The following ARPC1A variants were observed in gnomAD, a reference collection of about 807,000 sequenced individuals.
ARPC1A encodes the protein actin-related protein 2/3 complex subunit 1A.
A neutral mutation model predicts 46.9 loss-of-function variants in ARPC1A; 8 were observed. The observed-to-expected ratio is 0.17, with a 90% CI of 0.10 to 0.31. The LOEUF is 0.31. Among genes scored for constraint, ARPC1A ranks in the 10% least tolerant of loss-of-function variants. The probability of loss-of-function intolerance (pLI) is 1.00; values close to 1 mark genes in which losing one functional copy is unlikely to be tolerated. For synonymous variants in ARPC1A, 152 were observed against 169.0 expected (o/e 0.90, Z 0.78); for missense variants, 286 against 483.6 (o/e 0.59, Z 3.83).
intron 3 of ARPC1A, among the ~76,000 whole-genome samples, chr7:99,343,766 G>A (rs1360460549): frequency 6.6e-6 from 1 of 152,180 alleles, no homozygotes; most frequent in Admixed American, 6.5e-5. Context: ...GGTTCAACTG[G>A]CAGTGACTTT....
At chr7:99,350,267 CTG>C (rs768395066) in intron 5 of ARPC1A, among the ~76,000 whole-genome samples, 20 of 152,194 alleles carry the variant, frequency 1.3e-4, no homozygotes, top group Non-Finnish European at 2.4e-4. Flanking sequence ...CCATCTCTTT[CTG>C]TGTCTCCCTT....
chr7:99,346,324 C>T (rs902909477), intron 4 of ARPC1A, among the ~76,000 whole-genome samples: 1 of 152,114 alleles, frequency 6.6e-6, no homozygotes, highest in African/African-American at 2.4e-5. Context: ...TTGGAAGTTT[C>T]ATTGTAATGA....
At chr7:99,355,969 C>A (rs1334855315) in intron 6 of ARPC1A, among the ~76,000 whole-genome samples, 1 of 152,168 alleles carries the variant, frequency 6.6e-6, no homozygotes, top group Non-Finnish European at 1.5e-5. Flanking sequence ...TTGTGAGTGG[C>A]GTGTCTGTTC....
At chr7:99,355,507 G>A (rs1223551002) in intron 6 of ARPC1A, among the ~76,000 whole-genome samples, 1 of 152,158 alleles carries the variant, frequency 6.6e-6, no homozygotes, top group African/African-American at 2.4e-5. Context: ...CACTTTGGGA[G>A]GCCAAGGTGG....
chr7:99,344,889 T>G (rs1447744501), intron 4 of ARPC1A, among the ~76,000 whole-genome samples: 1 of 146,652 alleles, frequency 6.8e-6, no homozygotes, highest in Non-Finnish European at 1.5e-5. Context: ...TCACAGGATA[T>G]CTATGTAGGA....
intron 4 of ARPC1A, among the ~76,000 whole-genome samples, chr7:99,347,697 C>CT (rs1268300034): frequency 1.3e-5 from 2 of 151,650 alleles, no homozygotes; most frequent in Non-Finnish European, 2.9e-5. Context: ...GAGTAAGACT[C>CT]TGTCTCAAAA....
rs79234087 is a variant in ARPC1A at position 99,365,472 on chromosome 7, G to A, written c.1075-419G>A. On this transcript the variant is annotated intron_variant, in intron 9 of 9. Transcript: ENST00000262942. ...TACATATATATATTTTTAAAAACCA[G>A]GTGCAGTGACGCATGCCTTTAGTTG... Among the ~76,000 whole-genome samples, 1,131 of 152,124 alleles carry A rather than the reference G, an allele frequency of 7.4e-3. 31 individuals carry two copies. The South Asian group carries it at 0.083, about 11-fold the overall frequency.
intron 3 of ARPC1A, among the ~76,000 whole-genome samples, chr7:99,341,627 A>T (rs1469771937): frequency 1.3e-5 from 2 of 152,016 alleles, no homozygotes; most frequent in Non-Finnish European, 2.9e-5. Flanking sequence ...AAAAAAAAAA[A>T]AATTAATTGG....
In ARPC1A at chr7:99,344,667, CAT is replaced by C. The variant is rs1317344631; in HGVS notation, c.392+153_392+154del. The C allele has an allele frequency of 2.6e-5, 21 of 808,236 alleles. 1 individual carries two copies. The highest frequency in any genetic ancestry group is 8.5e-5 in the Admixed American group (3 of 35,434). The allele number at this position is 808,236 out of a possible 1,614,324, so 50.1% of individuals were successfully genotyped here. A position where few individuals can be genotyped will look rare whatever the true frequency, so the allele number is the denominator to read the frequency against. On this transcript the variant is annotated intron_variant, in intron 4 of 9. Coordinates refer to ENST00000262942, the MANE Select transcript of ARPC1A (RefSeq NM_006409.4). ...ATTCTGTCTGAGCATTTTCCCTTCT[CAT>C]GTGCATGTTAAGTTAAATCGCACGT...
chr7:99,336,401 A>C (rs951381925), intron 2 of ARPC1A, among the ~76,000 whole-genome samples: 1 of 151,212 alleles, frequency 6.6e-6, no homozygotes, highest in Non-Finnish European at 1.5e-5. Flanking sequence ...AGATAGATGT[A>C]GCTTTCCTAA....
At chr7:99,339,927 G>A (rs1373557206) in intron 3 of ARPC1A, 1 of 454,888 alleles carries the variant, frequency 2.2e-6, no homozygotes, top group Non-Finnish European at 4.4e-6. Context: ...TGTCCTGTAT[G>A]AGAGTGCTCA....
At chr7:99,334,644 T>C (rs1354510075) in intron 2 of ARPC1A, among the ~76,000 whole-genome samples, 2 of 152,114 alleles carry the variant, frequency 1.3e-5, no homozygotes, top group Admixed American at 6.6e-5. Context: ...TATGTAGATA[T>C]CCAGTTTTCA....
intron 2 of ARPC1A, 50 bp from the exon 3 acceptor site, chr7:99,338,131 G>A (rs564748361): frequency 7.9e-6 from 11 of 1,394,554 alleles, no homozygotes; most frequent in Non-Finnish European, 1.1e-5. Context: ...CCCCTTTTTG[G>A]TGACAATTGC....
chr7:99,363,483 A>C, intron 8 of ARPC1A, 60 bp from the exon 9 acceptor site: 3 of 1,210,928 alleles, frequency 2.5e-6, no homozygotes, highest in Middle Eastern at 3.8e-4. Flanking sequence ...ATTAGTCAGG[A>C]ATGTTTGTGT....
chr7:99,331,520 C>T (rs755930107), intron 1 of ARPC1A, among the ~76,000 whole-genome samples: 3 of 152,126 alleles, frequency 2.0e-5, no homozygotes, highest in East Asian at 1.9e-4. Flanking sequence ...ATGGCAATAC[C>T]GTTATCACAC....
chr7:99,354,371 A>G (rs948617099), intron 6 of ARPC1A, among the ~76,000 whole-genome samples: 1 of 151,206 alleles, frequency 6.6e-6, no homozygotes, highest in African/African-American at 2.4e-5. Flanking sequence ...AAATAAAAAA[A>G]ATTATCCAGG....
chr7:99,345,270 G>A (rs1244320631), intron 4 of ARPC1A, among the ~76,000 whole-genome samples: 1 of 152,036 alleles, frequency 6.6e-6, no homozygotes, highest in African/African-American at 2.4e-5. Context: ...AACCAAATCT[G>A]TGTCTTGGTG....
intron 5 of ARPC1A, among the ~76,000 whole-genome samples, chr7:99,353,457 C>CTTATTTAT (rs56733844): frequency 0.087 from 12,078 of 139,396 alleles, 821 homozygotes; most frequent in African/African-American, 0.17. Flanking sequence ...CGCACCCAGC[C>CTTATTTAT]TTATTTATTT....
chr7:99,348,226 A>G (rs1171191375), intron 4 of ARPC1A, among the ~76,000 whole-genome samples: 2 of 152,236 alleles, frequency 1.3e-5, no homozygotes, highest in African/African-American at 4.8e-5. Context: ...AAGTATTTTC[A>G]AACTTCAGTT....
Sources: allele counts gnomAD v4.1 joint callset (sites outside exome capture counted in the v4.1 genomes callset), GRCh38; gene constraint gnomAD v4.1.1; transcripts MANE v1.5; gene names NCBI Gene and HGNC (gene_info 2026-07-23, HGNC 2026-07-21).